ERC2: variants seen among roughly 807,000 people sequenced by gnomAD.
ERC2 encodes the protein ELKS/RAB6-interacting/CAST family member 2, also known as ERC protein 2.
In ERC2, 42 loss-of-function variants were observed where a neutral mutation model predicts 114.8. That is an observed-to-expected ratio of 0.37 (90% CI 0.29 to 0.47). The LOEUF (loss-of-function observed/expected upper bound fraction) is 0.47. Ranked by LOEUF, ERC2 falls within the 20% of genes least tolerant of loss-of-function variation. The pLI is 0.99. For synonymous variants in ERC2, 454 were observed against 425.5 expected (o/e 1.07, Z -0.82); for missense variants, 939 against 1,150.7 (o/e 0.82, Z 2.66).
chr3:56,035,625 C>T (rs949958632), intron 7 of ERC2, among the ~76,000 whole-genome samples: 2 of 152,188 alleles, frequency 1.3e-5, no homozygotes, highest in African/African-American at 2.4e-5. Flanking sequence ...GCCCTTTATG[C>T]CTTTGTGCCT....
chr3:55,942,704 G>T (rs2066890930), intron 13 of ERC2, among the ~76,000 whole-genome samples: 1 of 152,112 alleles, frequency 6.6e-6, no homozygotes, highest in South Asian at 2.1e-4. Context: ...TAGCAGAGAA[G>T]AAATTAAAAG....
intron 17 of ERC2, among the ~76,000 whole-genome samples, chr3:55,520,517 C>T (rs763401933): frequency 6.0e-5 from 9 of 151,054 alleles, no homozygotes; most frequent in Non-Finnish European, 1.0e-4. Context: ...AAGGGAGAAA[C>T]ACACCTTGAA....
intron 13 of ERC2, among the ~76,000 whole-genome samples, chr3:55,909,902 T>C (rs66465679): frequency 0.16 from 23,946 of 152,192 alleles, 2,017 homozygotes; most frequent in East Asian, 0.32. Flanking sequence ...TGGCCAATGA[T>C]AATCATTTAC....
chr3:56,228,781 T>C (rs1430696550), intron 3 of ERC2, among the ~76,000 whole-genome samples: 1 of 152,188 alleles, frequency 6.6e-6, no homozygotes, highest in Non-Finnish European at 1.5e-5. Context: ...TACTGATTTG[T>C]ACGTTATGCA....
At chr3:55,594,092 G>T (rs1299513117) in intron 17 of ERC2, among the ~76,000 whole-genome samples, 1 of 152,150 alleles carries the variant, frequency 6.6e-6, no homozygotes, top group Admixed American at 6.5e-5. Flanking sequence ...ACAACACTCA[G>T]ATTTTTCCCC....
chr3:55,528,762 G>T (rs1487877754), intron 17 of ERC2, among the ~76,000 whole-genome samples: 1 of 152,012 alleles, frequency 6.6e-6, no homozygotes, highest in Non-Finnish European at 1.5e-5. Flanking sequence ...ATTCCTTGTG[G>T]GGTCTGCTCT....
At chr3:56,144,559 T>C (rs534595454) in intron 5 of ERC2, among the ~76,000 whole-genome samples, 3 of 152,316 alleles carry the variant, frequency 2.0e-5, no homozygotes, top group South Asian at 4.1e-4. Flanking sequence ...AATACCACAG[T>C]AGAAAGCCAG....
At chr3:55,593,134 T>C (rs1420465809) in intron 17 of ERC2, among the ~76,000 whole-genome samples, 1 of 152,230 alleles carries the variant, frequency 6.6e-6, no homozygotes, top group Non-Finnish European at 1.5e-5. Flanking sequence ...CGCTAGGCCC[T>C]TGACTCCTGA....
intron 14 of ERC2, among the ~76,000 whole-genome samples, chr3:55,788,863 A>G (rs912327559): frequency 1.3e-5 from 2 of 152,228 alleles, no homozygotes; most frequent in African/African-American, 4.8e-5. Context: ...GAATTTTCAC[A>G]AAGTGCTCAT....
Position 56,049,818 on chromosome 3 carries a change from ATGTGTGTGTGTG to A in ERC2, c.1642-30799_1642-30788del, listed in dbSNP as rs3052672. Among the ~76,000 whole-genome samples, 515 of 145,306 alleles carry A rather than the reference ATGTGTGTGTGTG, an allele frequency of 3.5e-3. 2 individuals are homozygous for A. The highest frequency in any genetic ancestry group is 0.014 in the Middle Eastern group (4 of 284). Reference sequence around the variant, plus strand: ...GCTACTTAATAAACTCCCATCATATATGTGTGTGTGTGTGTGTGTGTGTGTGTGTGTGTGTGT... The same window carrying A: ...GCTACTTAATAAACTCCCATCATATATGTGTGTGTGTGTGTGTGTGTGTGT... On this transcript the variant is annotated intron_variant, in intron 7 of 17. Transcript: ENST00000288221.
intron 14 of ERC2, among the ~76,000 whole-genome samples, chr3:55,745,511 G>A (rs999828055): frequency 6.6e-6 from 1 of 152,186 alleles, no homozygotes; most frequent in African/African-American, 2.4e-5. Flanking sequence ...TCTGTTAGTG[G>A]TAATGTTAGA....
At chr3:56,243,989 G>T (rs535890048) in intron 3 of ERC2, among the ~76,000 whole-genome samples, 1 of 152,142 alleles carries the variant, frequency 6.6e-6, no homozygotes, top group African/African-American at 2.4e-5. Context: ...ACTGTGAAAC[G>T]CCTGGGATGC....
At chr3:55,730,738 G>A (rs1306943828) in intron 15 of ERC2, among the ~76,000 whole-genome samples, 1 of 152,196 alleles carries the variant, frequency 6.6e-6, no homozygotes, top group Non-Finnish European at 1.5e-5. Flanking sequence ...TAGGAAAGGT[G>A]GGGCATGCCT....
At chr3:56,318,335 C>T (rs1298130563) in intron 2 of ERC2, among the ~76,000 whole-genome samples, 2 of 151,992 alleles carry the variant, frequency 1.3e-5, no homozygotes, top group Non-Finnish European at 2.9e-5. Flanking sequence ...GCCACCATGC[C>T]GAGCTAATTT....
At chr3:55,932,298 G>A (rs547285449) in intron 13 of ERC2, among the ~76,000 whole-genome samples, 11 of 152,132 alleles carry the variant, frequency 7.2e-5, no homozygotes, top group African/African-American at 1.9e-4. Flanking sequence ...TCTATGTACC[G>A]AGAAGAACTT....
intron 14 of ERC2, among the ~76,000 whole-genome samples, chr3:55,826,535 C>G (rs2060333133): frequency 6.6e-6 from 1 of 152,182 alleles, no homozygotes; most frequent in Non-Finnish European, 1.5e-5. Context: ...AAAACGTGAA[C>G]TAGTTCTTGT....
At chr3:55,987,457 T>C (rs1320811691) in intron 11 of ERC2, among the ~76,000 whole-genome samples, 1 of 152,234 alleles carries the variant, frequency 6.6e-6, no homozygotes, top group Admixed American at 6.5e-5. Flanking sequence ...TTGCTAGGAA[T>C]GGCATATAGC....
chr3:56,295,771 C>G (rs2055388872), intron 3 of ERC2, among the ~76,000 whole-genome samples: 1 of 152,202 alleles, frequency 6.6e-6, no homozygotes, highest in South Asian at 2.1e-4. Context: ...AACCAACTTA[C>G]AGTTGATATG....
intron 15 of ERC2, among the ~76,000 whole-genome samples, chr3:55,725,954 A>G (rs973301987): frequency 5.3e-5 from 8 of 152,350 alleles, no homozygotes; most frequent in East Asian, 1.9e-4. Flanking sequence ...GTCTTACCCA[A>G]TTGCTTGGAC....
Sources: gnomAD v4.1 joint callset for allele counts (sites outside exome capture counted in the v4.1 genomes callset) on GRCh38, gnomAD v4.1.1 for gene constraint, MANE v1.5 for transcripts, NCBI Gene and HGNC (gene_info 2026-07-23, HGNC 2026-07-21) for gene names.